Variants in TENM3 observed in about 807,000 individuals in gnomAD.
TENM3 encodes teneurin transmembrane protein 3.
In TENM3, 63 loss-of-function variants were observed where a neutral mutation model predicts 255.1. The observed-to-expected ratio is 0.25, with a 90% CI of 0.20 to 0.30. The LOEUF is 0.30. Among genes scored for constraint, TENM3 ranks in the 10% least tolerant of loss-of-function variants. The pLI is 1.00. For missense variants in TENM3, 2,929 were observed against 3,461.1 expected, an observed-to-expected ratio of 0.85 and a Z score of 3.86; for synonymous variants, 1,306 against 1,322.3, an observed-to-expected ratio of 0.99 and a Z score of 0.27.
the TENM3 span, among the ~76,000 whole-genome samples, chr4:181,992,495 T>C: frequency 1.3e-5 from 2 of 152,168 alleles, no homozygotes; most frequent in African/African-American, 2.4e-5. Context: ...ATAGATGCAA[T>C]GTTGATAGAG....
intron 12 of TENM3, among the ~76,000 whole-genome samples, chr4:182,708,347 A>C (rs1413832122): frequency 6.6e-6 from 1 of 151,816 alleles, no homozygotes; most frequent in Non-Finnish European, 1.5e-5. Context: ...CAGAGCTAGA[A>C]ATTTAGGAAT....
chr4:181,545,503 G>T, the TENM3 span, among the ~76,000 whole-genome samples: 1 of 152,098 alleles, frequency 6.6e-6, no homozygotes, highest in Non-Finnish European at 1.5e-5. Context: ...ATTACTTCTA[G>T]GTATTTTTAT....
At chr4:181,540,204 G>A in the TENM3 span, among the ~76,000 whole-genome samples, 2 of 152,188 alleles carry the variant, frequency 1.3e-5, no homozygotes, top group East Asian at 3.9e-4. Flanking sequence ...AGAGGCCAAA[G>A]CTGAAGCAAT....
the TENM3 span, among the ~76,000 whole-genome samples, chr4:181,755,900 G>T: frequency 2.2e-3 from 332 of 152,180 alleles, 1 homozygote; most frequent in Non-Finnish European, 4.2e-3. Context: ...GCCCCTGATT[G>T]CTGTCTCTTA....
chr4:181,477,208 A>G, the TENM3 span, among the ~76,000 whole-genome samples: 1 of 152,172 alleles, frequency 6.6e-6, no homozygotes, highest in African/African-American at 2.4e-5. Context: ...CAAATCCCCG[A>G]AATGCTCCTA....
chr4:182,719,252 CTTTTTTTTTT>C (rs11348241), intron 13 of TENM3, among the ~76,000 whole-genome samples: 4 of 80,824 alleles, frequency 4.9e-5, no homozygotes, highest in East Asian at 4.6e-4. Context: ...TTTTTTTTTT[CTTTTTTTTTT>C]TTTTTTTTTT....
At chr4:182,520,267 T>C (rs535153242) in intron 3 of TENM3, among the ~76,000 whole-genome samples, 3 of 152,138 alleles carry the variant, frequency 2.0e-5, no homozygotes, top group Admixed American at 1.3e-4. Context: ...TATAAAAAAA[T>C]CAATTGTATT....
chr4:181,839,353 A>G, the TENM3 span, among the ~76,000 whole-genome samples: 1 of 39,762 alleles, frequency 2.5e-5, no homozygotes, highest in Non-Finnish European at 5.9e-5. Flanking sequence ...GGGTATATAT[A>G]TATATATATA....
chr4:181,643,000 T>C, the TENM3 span, among the ~76,000 whole-genome samples: 1 of 152,178 alleles, frequency 6.6e-6, no homozygotes, highest in Non-Finnish European at 1.5e-5. Context: ...TCTTCTTTGG[T>C]TCCATATGAA....
chr4:182,070,106 C>T, the TENM3 span, among the ~76,000 whole-genome samples: 1 of 152,108 alleles, frequency 6.6e-6, no homozygotes, highest in Non-Finnish European at 1.5e-5. Context: ...TATGAGTCTG[C>T]AAGAAATTCC....
the TENM3 span, among the ~76,000 whole-genome samples, chr4:181,994,257 T>C: frequency 2.0e-5 from 3 of 152,156 alleles, no homozygotes; most frequent in East Asian, 1.9e-4. Context: ...ACTTCCTATA[T>C]AGATAATTCA....
chr4:181,526,845 TTCTC>T, the TENM3 span, among the ~76,000 whole-genome samples: 5 of 152,332 alleles, frequency 3.3e-5, no homozygotes, highest in South Asian at 2.1e-4. Flanking sequence ...TTCTCCGAGC[TTCTC>T]TCTCTCTATC....
At chr4:181,873,915 G>C in the TENM3 span, among the ~76,000 whole-genome samples, 1 of 152,114 alleles carries the variant, frequency 6.6e-6, no homozygotes, top group Non-Finnish European at 1.5e-5. Context: ...TTCCAGAGTA[G>C]CTGGGATTAC....
intron 24 of TENM3, among the ~76,000 whole-genome samples, chr4:182,785,083 A>AT (rs147529140): frequency 2.0e-5 from 3 of 150,700 alleles, no homozygotes; most frequent in South Asian, 2.1e-4. Context: ...CCTCCCCCAT[A>AT]TTTTTTTTCT....
chr4:182,014,310 G>T, the TENM3 span, among the ~76,000 whole-genome samples: 3 of 151,976 alleles, frequency 2.0e-5, no homozygotes, highest in East Asian at 5.8e-4. Flanking sequence ...ATAGAGCAAG[G>T]TTAGCCTATA....
intron 12 of TENM3, among the ~76,000 whole-genome samples, chr4:182,688,735 A>G (rs1756788397): frequency 6.6e-6 from 1 of 152,216 alleles, no homozygotes; most frequent in African/African-American, 2.4e-5. Context: ...TTTTTTTCAA[A>G]TATATGCCCT....
At chr4:182,455,846 G>A (rs978230721) in intron 3 of TENM3, among the ~76,000 whole-genome samples, 1 of 152,164 alleles carries the variant, frequency 6.6e-6, no homozygotes, top group Non-Finnish European at 1.5e-5. Context: ...ATAGGCATGA[G>A]CCACCGCACC....
At chr4:182,634,449 A>C (rs75256151) in intron 5 of TENM3, among the ~76,000 whole-genome samples, 22 of 152,218 alleles carry the variant, frequency 1.4e-4, no homozygotes, top group African/African-American at 5.1e-4. Context: ...TTAAAAATCA[A>C]ATGTACATAT....
At chr4:182,708,617 G>A (rs2152663180) in intron 12 of TENM3, among the ~76,000 whole-genome samples, 1 of 152,228 alleles carries the variant, frequency 6.6e-6, no homozygotes. Flanking sequence ...GGCTAACACG[G>A]TGAAACCCCA....
Sources: allele counts gnomAD v4.1 joint callset (sites outside exome capture counted in the v4.1 genomes callset), GRCh38; gene constraint gnomAD v4.1.1; transcripts MANE v1.5; gene names NCBI Gene and HGNC (gene_info 2026-07-23, HGNC 2026-07-21).